CCDC171: variants seen among roughly 807,000 people sequenced by gnomAD.
CCDC171 encodes the protein coiled-coil domain containing 171.
Under a neutral mutation model 168.2 loss-of-function variants are expected in CCDC171, and 177 were observed. The ratio of observed to expected loss-of-function variants is 1.05; its 90% CI spans 0.93 to 1.19. CCDC171 has a LOEUF of 1.19. Among genes scored for constraint, CCDC171 ranks in the 50% most tolerant of loss-of-function variants. CCDC171 has a pLI of 0.00. For synonymous variants in CCDC171, 687 were observed against 540.8 expected, an observed-to-expected ratio of 1.27 and a Z score of -3.75; for missense variants, 1,991 against 1,539.0, an observed-to-expected ratio of 1.29 and a Z score of -4.91.
intron 24 of CCDC171, among the ~76,000 whole-genome samples, chr9:15,884,658 A>G (rs1819150832): frequency 6.6e-6 from 1 of 152,180 alleles, no homozygotes; most frequent in Admixed American, 6.5e-5. Flanking sequence ...CTGGCCCTGT[A>G]ATTTAACCAC....
intron 24 of CCDC171, among the ~76,000 whole-genome samples, chr9:15,901,092 T>G (rs1298293252): frequency 1.3e-5 from 2 of 152,146 alleles, no homozygotes; most frequent in Non-Finnish European, 2.9e-5. Flanking sequence ...AAAGAAAATT[T>G]TAAAGGTATG....
At chr9:15,790,830 T>C (rs1477439740) in intron 21 of CCDC171, among the ~76,000 whole-genome samples, 1 of 152,200 alleles carries the variant, frequency 6.6e-6, no homozygotes, top group Non-Finnish European at 1.5e-5. Flanking sequence ...GCCAGTTTTC[T>C]CAGCACCATT....
chr9:15,810,694 C>T (rs955674507), intron 21 of CCDC171, among the ~76,000 whole-genome samples: 5 of 152,206 alleles, frequency 3.3e-5, no homozygotes, highest in Admixed American at 1.3e-4. Flanking sequence ...CTGGCTGCTC[C>T]GAGTGCGGGG....
intron 24 of CCDC171, among the ~76,000 whole-genome samples, chr9:15,917,081 T>C (rs552812208): frequency 1.3e-5 from 2 of 152,122 alleles, no homozygotes; most frequent in African/African-American, 2.4e-5. Flanking sequence ...GACTGTCATT[T>C]CCATTTCTTC....
intron 3 of CCDC171, among the ~76,000 whole-genome samples, chr9:15,572,296 C>A (rs758561961): frequency 6.6e-6 from 1 of 152,032 alleles, no homozygotes; most frequent in Non-Finnish European, 1.5e-5. Context: ...CTTTATGCCT[C>A]TTCTCTCTGC....
intron 24 of CCDC171, among the ~76,000 whole-genome samples, chr9:15,879,820 C>T (rs2105314): frequency 0.78 from 118,307 of 151,978 alleles, 46,790 homozygotes; most frequent in East Asian, 0.85. Context: ...CTCTTTTTTC[C>T]CCTGGAATAA....
intron 8 of CCDC171, among the ~76,000 whole-genome samples, chr9:15,659,203 C>A (rs1489236064): frequency 6.6e-6 from 1 of 152,104 alleles, no homozygotes. Flanking sequence ...TGAACAGATC[C>A]TTTCTTTATA....
chr9:15,744,980 G>GT (rs768086082), intron 17 of CCDC171, among the ~76,000 whole-genome samples: 3 of 152,056 alleles, frequency 2.0e-5, no homozygotes, highest in Non-Finnish European at 4.4e-5. Context: ...TTTTAAACAG[G>GT]TTAAAATATT....
At chr9:15,566,935 A>T (rs1160918666) in intron 2 of CCDC171, among the ~76,000 whole-genome samples, 1 of 152,094 alleles carries the variant, frequency 6.6e-6, no homozygotes, top group Non-Finnish European at 1.5e-5. Flanking sequence ...TTCCCCGTTG[A>T]ATTGCCTTGA....
chr9:15,872,940 A>G (rs1041440271), intron 23 of CCDC171, among the ~76,000 whole-genome samples: 3 of 152,090 alleles, frequency 2.0e-5, no homozygotes, highest in Admixed American at 2.0e-4. Flanking sequence ...ATGCTAAGTA[A>G]GTTTAACAGC....
At chr9:15,763,747 T>C (rs1329190709) in intron 18 of CCDC171, among the ~76,000 whole-genome samples, 2 of 152,218 alleles carry the variant, frequency 1.3e-5, no homozygotes, top group African/African-American at 2.4e-5. Flanking sequence ...GACTGTAGTT[T>C]GTTCTTTTTC....
chr9:15,979,324 G>C (rs1011385182), intron 3 of CCDC171, among the ~76,000 whole-genome samples: 1 of 152,082 alleles, frequency 6.6e-6, no homozygotes, highest in Non-Finnish European at 1.5e-5. Context: ...TCAGTACATT[G>C]TTGAGTAGTA....
chr9:15,575,373 C>T (rs758216542), intron 3 of CCDC171, among the ~76,000 whole-genome samples: 6 of 151,942 alleles, frequency 3.9e-5, no homozygotes, highest in Non-Finnish European at 8.8e-5. Context: ...GTGGTTTTGC[C>T]ATGTTGTCCA....
At chr9:15,638,516 A>T (rs1476103807) in intron 7 of CCDC171, among the ~76,000 whole-genome samples, 1 of 152,106 alleles carries the variant, frequency 6.6e-6, no homozygotes, top group African/African-American at 2.4e-5. Flanking sequence ...TTAATAAAGT[A>T]CATTATTTAA....
At chr9:15,725,453 T>C (rs1246253873) in intron 14 of CCDC171, among the ~76,000 whole-genome samples, 1 of 151,994 alleles carries the variant, frequency 6.6e-6, no homozygotes, top group African/African-American at 2.4e-5. Context: ...TCCTTATTTA[T>C]TTTTTTTCTT....
intron 24 of CCDC171, among the ~76,000 whole-genome samples, chr9:15,876,290 G>A (rs1030026317): frequency 2.0e-5 from 3 of 152,092 alleles, no homozygotes; most frequent in Non-Finnish European, 4.4e-5. Flanking sequence ...ATACATCATA[G>A]TTGGAAAATT....
At chr9:15,928,643 C>G (rs569240083) in intron 25 of CCDC171, among the ~76,000 whole-genome samples, 164 of 151,792 alleles carry the variant, frequency 1.1e-3, no homozygotes, top group African/African-American at 3.8e-3. Flanking sequence ...TTACCCTTTG[C>G]TAAATACTTC....
chr9:16,035,209 T>C (rs1161504535), intron 6 of CCDC171, among the ~76,000 whole-genome samples: 1 of 152,168 alleles, frequency 6.6e-6, no homozygotes, highest in East Asian at 1.9e-4. Flanking sequence ...AAATTCGGTC[T>C]TAAAAACAAA....
intron 18 of CCDC171, among the ~76,000 whole-genome samples, chr9:15,760,340 A>G (rs73644944): frequency 8.7e-4 from 132 of 152,286 alleles, no homozygotes; most frequent in African/African-American, 3.1e-3. Context: ...GTTTTTATCT[A>G]TTTAGAGTAA....
Sources: gnomAD v4.1 joint callset for allele counts (sites outside exome capture counted in the v4.1 genomes callset) on GRCh38, gnomAD v4.1.1 for gene constraint, MANE v1.5 for transcripts, NCBI Gene and HGNC (gene_info 2026-07-23, HGNC 2026-07-21) for gene names.